Variants in FAM13A observed in about 807,000 individuals in gnomAD.
FAM13A encodes the protein family with sequence similarity 13 member A, also known as protein FAM13A.
FAM13A carries 76 observed loss-of-function variants against 129.6 expected under a neutral mutation model. That is an observed-to-expected ratio of 0.59 (90% CI 0.49 to 0.71). The LOEUF is 0.71. Ranked by LOEUF, FAM13A falls within the 30% of genes least tolerant of loss-of-function variation. FAM13A has a pLI of 0.00. For synonymous variants in FAM13A, 443 were observed against 449.9 expected, an observed-to-expected ratio of 0.98 and a Z score of 0.20; for missense variants, 1,108 against 1,249.3, an observed-to-expected ratio of 0.89 and a Z score of 1.70.
intron 7 of FAM13A, among the ~76,000 whole-genome samples, chr4:88,843,160 C>T (rs947341919): frequency 1.3e-5 from 2 of 152,222 alleles, no homozygotes; most frequent in Non-Finnish European, 2.9e-5. Flanking sequence ...GGGCCCTTTT[C>T]GAGTCTACCT....
At chr4:88,799,536 G>A (rs575078746) in intron 8 of FAM13A, among the ~76,000 whole-genome samples, 1 of 150,956 alleles carries the variant, frequency 6.6e-6, no homozygotes, top group Non-Finnish European at 1.5e-5. Context: ...CCAGGCTGGA[G>A]TGCCATGGCA....
At chr4:88,901,390 G>A (rs1465120808) in intron 6 of FAM13A, among the ~76,000 whole-genome samples, 1 of 151,996 alleles carries the variant, frequency 6.6e-6, no homozygotes, top group African/African-American at 2.4e-5. Flanking sequence ...CACATAATCG[G>A]AAGTAAAACA....
At chr4:88,764,967 T>A (rs1166125469) in intron 13 of FAM13A, among the ~76,000 whole-genome samples, 1 of 152,172 alleles carries the variant, frequency 6.6e-6, no homozygotes, top group Non-Finnish European at 1.5e-5. Flanking sequence ...AGTTGCATAA[T>A]TAAAATAAAT....
intron 4 of FAM13A, among the ~76,000 whole-genome samples, chr4:88,945,386 T>C (rs1372789104): frequency 6.6e-6 from 1 of 152,180 alleles, no homozygotes; most frequent in African/African-American, 2.4e-5. Context: ...GGACGAGAAG[T>C]TGCCAACTTC....
intron 6 of FAM13A, among the ~76,000 whole-genome samples, chr4:88,868,577 T>C (rs1740835214): frequency 6.6e-6 from 1 of 152,168 alleles, no homozygotes; most frequent in Admixed American, 6.6e-5. Flanking sequence ...TCACCTCCTA[T>C]AGTCTATAAT....
chr4:89,038,323 T>A (rs1351520171), intron 1 of FAM13A, among the ~76,000 whole-genome samples: 1 of 152,210 alleles, frequency 6.6e-6, no homozygotes, highest in East Asian at 1.9e-4. Flanking sequence ...AACCATGTGC[T>A]CCAAGACTCT....
chr4:88,735,223 A>G, intron 21 of FAM13A, among the ~76,000 whole-genome samples: 1 of 152,190 alleles, frequency 6.6e-6, no homozygotes, highest in East Asian at 1.9e-4. Context: ...AGCCTATGGG[A>G]TAGAATGTAA....
In FAM13A at chr4:88,970,866, T is replaced by A. The variant is rs549842036; in HGVS notation, c.605+20107A>T. On this transcript the variant is annotated intron_variant, in intron 4 of 23. Coordinates refer to ENST00000264344, the MANE Select transcript of FAM13A (RefSeq NM_014883.4). Reference sequence around the variant, plus strand: ...GATGAAATTAATGACTTGGAAATAATAACACAGTAGGAAAAAATGATCAAA... The same window carrying A: ...GATGAAATTAATGACTTGGAAATAAAAACACAGTAGGAAAAAATGATCAAA... Among the ~76,000 whole-genome samples the A allele has an allele frequency of 1.1e-4, 16 of 152,198 alleles. No homozygotes were observed. The South Asian group carries it at 3.3e-3, about 32-fold the overall frequency.
intron 3 of FAM13A, among the ~76,000 whole-genome samples, chr4:88,991,494 T>A (rs11097206): frequency 0.69 from 105,612 of 151,978 alleles, 36,806 homozygotes; most frequent in Middle Eastern, 0.79. Context: ...AAGAAATATT[T>A]AAAAAACCAC....
chr4:88,999,220 T>C (rs764785255), intron 3 of FAM13A, among the ~76,000 whole-genome samples: 1 of 152,178 alleles, frequency 6.6e-6, no homozygotes, highest in Non-Finnish European at 1.5e-5. Context: ...GCCTAAATAG[T>C]ATCTCAGCAT....
chr4:88,960,773 G>C (rs934432428), intron 4 of FAM13A, among the ~76,000 whole-genome samples: 3 of 152,170 alleles, frequency 2.0e-5, no homozygotes, highest in Admixed American at 6.5e-5. Flanking sequence ...TAGATTTACA[G>C]GAAGCAGCTT....
rs750243068 is a variant in FAM13A at position 88,758,892 on chromosome 4, T to C, written c.1588A>G (p.Met530Val). 1.1e-5 allele frequency: 17 copies of C among 1,613,708 alleles called. No individual in the cohort carries two copies. The highest frequency in any genetic ancestry group is 6.7e-5 in the East Asian group (3 of 44,886). The change falls in exon 14 of 24, where the codon ATG becomes GTG. Residue 530 changes from methionine (M) to valine (V), a missense_variant. Met to Val is a conservative substitution (Grantham distance 21). Around this residue, in one of 3 missense-constraint regions of FAM13A, gnomAD observed 529 missense variants for 621.2 expected, o/e 0.85. Transcript: ENST00000264344. ...GHTQHFESPT[M>V]KIQEHPSLSD... ...AGGCTGGGATGCTCCTGGATCTTCA[T>C]TGTGGGGCTCTGCAATAACAGCACA...
chr4:88,728,575 C>T lies in FAM13A; in HGVS notation c.3030G>A (p.Glu1010=), dbSNP rs1180507039. 5 of 1,614,088 alleles carry T rather than the reference C, an allele frequency of 3.1e-6. No homozygotes were observed. The highest frequency in any genetic ancestry group is 4.2e-6 in the Non-Finnish European group (5 of 1,180,032). Reference sequence around the variant, plus strand: ...CAGTGTCTCTCTTGCTGATGAGCACCTCCAGGAGCCTCAGTTTCGCCTTTA... The same window carrying T: ...CAGTGTCTCTCTTGCTGATGAGCACTTCCAGGAGCCTCAGTTTCGCCTTTA... ...KHIKAKLRLL[E]VLISKRDTDS... Residue 1010 remains glutamate, a synonymous_variant, in exon 24 of 24, where the codon GAG becomes GAA. Transcript: ENST00000264344.
intron 4 of FAM13A, among the ~76,000 whole-genome samples, chr4:88,943,336 AATG>A (rs1329116182): frequency 1.3e-5 from 2 of 152,212 alleles, no homozygotes; most frequent in African/African-American, 4.8e-5. Flanking sequence ...TCAAGTAAGA[AATG>A]ATGTTTAATC....
intron 4 of FAM13A, among the ~76,000 whole-genome samples, chr4:88,958,354 C>CTAA (rs1338200969): frequency 1.3e-5 from 2 of 152,114 alleles, no homozygotes; most frequent in African/African-American, 4.8e-5. Flanking sequence ...AGCTCCAGCT[C>CTAA]CACCCCTGGC....
chr4:88,969,744 T>C (rs1759823982), intron 4 of FAM13A, among the ~76,000 whole-genome samples: 1 of 152,202 alleles, frequency 6.6e-6, no homozygotes, highest in Non-Finnish European at 1.5e-5. Context: ...GTGGGCACCA[T>C]TATTTTGCTC....
chr4:88,978,312 T>C (rs922111877), intron 4 of FAM13A, among the ~76,000 whole-genome samples: 6 of 152,232 alleles, frequency 3.9e-5, no homozygotes, highest in Non-Finnish European at 7.3e-5. Context: ...GTAACAGCTA[T>C]GTTTATGGAT....
intron 14 of FAM13A, among the ~76,000 whole-genome samples, chr4:88,750,906 G>C (rs1742455824): frequency 1.3e-5 from 2 of 152,340 alleles, no homozygotes; most frequent in South Asian, 4.1e-4. Flanking sequence ...GAGCAGCCTT[G>C]AAGGGGGGAA....
At chr4:88,783,901 C>T (rs1723454306) in intron 10 of FAM13A, among the ~76,000 whole-genome samples, 1 of 152,056 alleles carries the variant, frequency 6.6e-6, no homozygotes, top group Non-Finnish European at 1.5e-5. Flanking sequence ...ACTTCTAGCA[C>T]CTTGACCTTG....
Sources: allele counts gnomAD v4.1 joint callset (sites outside exome capture counted in the v4.1 genomes callset), GRCh38; gene constraint gnomAD v4.1.1; regional missense constraint gnomAD v4.1.1; transcripts MANE v1.5; gene names NCBI Gene and HGNC (gene_info 2026-07-23, HGNC 2026-07-21).